Variants in COL5A1 observed in about 807,000 individuals in gnomAD.
The protein encoded by COL5A1 is collagen type V alpha 1 chain.
COL5A1 carries 16 observed loss-of-function variants against 263.7 expected under a neutral mutation model. The ratio of observed to expected loss-of-function variants is 0.06; its 90% CI spans 0.04 to 0.09. The LOEUF (loss-of-function observed/expected upper bound fraction) is 0.09. COL5A1 is among the 10% of genes least tolerant of loss of function. COL5A1 has a pLI of 1.00. For synonymous variants in COL5A1, 1,012 were observed against 1,004.5 expected (o/e 1.01, Z -0.14); for missense variants, 2,036 against 2,540.5 (o/e 0.80, Z 4.27).
intron 24 of COL5A1, among the ~76,000 whole-genome samples, chr9:134,767,798 T>C (rs1408627822): frequency 1.3e-5 from 2 of 152,230 alleles, no homozygotes; most frequent in Non-Finnish European, 2.9e-5. Context: ...CTTGCCCTTC[T>C]AGAGCTTGTC....
At chr9:134,709,520 G>T (rs890729109) in intron 4 of COL5A1, among the ~76,000 whole-genome samples, 1 of 152,216 alleles carries the variant, frequency 6.6e-6, no homozygotes, top group African/African-American at 2.4e-5. Context: ...TCCTGCTGCA[G>T]GTGGCTGGTG....
chr9:134,823,875 ATG>A (rs765027569), intron 61 of COL5A1, among the ~76,000 whole-genome samples: 1 of 151,666 alleles, frequency 6.6e-6, no homozygotes, highest in African/African-American at 2.4e-5. Context: ...TGTGTGCATG[ATG>A]TGTGTATGGG....
At chr9:134,763,624 CACT>C (rs1181268473) in intron 19 of COL5A1, 66 bp from the exon 20 acceptor site, 1 of 1,496,480 alleles carries the variant, frequency 6.7e-7, no homozygotes, top group Non-Finnish European at 9.3e-7. Flanking sequence ...CCTTGTGCAC[CACT>C]GAGGGGAAGC....
In COL5A1 at chr9:134,811,380, G is replaced by T. The variant is rs1838517492; in HGVS notation, c.3570G>T (p.Gln1190His). 6.2e-7 allele frequency: 1 copy of T among 1,613,502 alleles called. No homozygotes were observed. Among genetic ancestry groups the T allele is most frequent in the Non-Finnish European group, 8.5e-7 (1 of 1,179,812 alleles). The change falls in exon 45 of 66, where the codon CAG becomes CAT. Residue 1190 changes from glutamine (Q) to histidine (H), a missense_variant. Around this residue, in one of 3 missense-constraint regions of COL5A1, gnomAD observed 1,078 missense variants for 1,521.4 expected, o/e 0.71. Coordinates refer to ENST00000371817, the MANE Select transcript of COL5A1 (RefSeq NM_000093.5). ...CAGGTCCTCAAGGCCCCATCGGACAGCCAGGCCCCTCTGTGAGTATCCATG... is the reference window on the plus strand; with the variant it reads ...CAGGTCCTCAAGGCCCCATCGGACATCCAGGCCCCTCTGTGAGTATCCATG... The part of the protein sequence containing the change: ...GPTGPQGPIG[Q>H]PGPSGADGEP...
chr9:134,817,352 T>C (rs1838795637), intron 53 of COL5A1, among the ~76,000 whole-genome samples: 1 of 152,202 alleles, frequency 6.6e-6, no homozygotes, highest in Non-Finnish European at 1.5e-5. Context: ...GCTGCAAAGG[T>C]CCTTTTCCCC....
chr9:134,746,164 A>T (rs1835505415), intron 11 of COL5A1, among the ~76,000 whole-genome samples: 1 of 152,050 alleles, frequency 6.6e-6, no homozygotes, highest in Admixed American at 6.5e-5. Flanking sequence ...CAGCCAGGAG[A>T]TGTCCAGCAG....
In COL5A1 at chr9:134,815,636, G is replaced by A. The variant is rs587780905; in HGVS notation, c.4068+7G>A. 8.8e-5 allele frequency: 142 copies of A among 1,613,206 alleles called. No individual in the cohort carries two copies. Among genetic ancestry groups the A allele is most frequent in the Non-Finnish European group, 1.1e-4 (135 of 1,179,850 alleles). On this transcript the variant is annotated splice_region_variant and intron_variant, in intron 51 of 65. Coordinates refer to ENST00000371817, the MANE Select transcript of COL5A1 (RefSeq NM_000093.5). ...CGGAGAGCCTGGCCCCGCGGTAGGT[G>A]CTCAAGAGGGCAAAGCCACCGGATC...
chr9:134,712,620 C>T (rs1480238069), intron 4 of COL5A1, among the ~76,000 whole-genome samples: 1 of 41,504 alleles, frequency 2.4e-5, no homozygotes, highest in African/African-American at 7.7e-5. Flanking sequence ...CTCCCCTCCC[C>T]CTTCCTTCCT....
chr9:134,768,473 C>A lies in COL5A1; in HGVS notation c.2286+10C>A, dbSNP rs1365884857. ...TGCTGACGGACCCCCGGTGAGTAGC[C>A]CTGCCCACCTCATCCCTCCATACTC... On this transcript the variant is annotated intron_variant, in intron 25 of 65. Coordinates refer to ENST00000371817, the MANE Select transcript of COL5A1 (RefSeq NM_000093.5). 1 of 1,613,518 alleles carries A rather than the reference C, an allele frequency of 6.2e-7. No individual in the cohort carries two copies. Among genetic ancestry groups the A allele is most frequent in the Non-Finnish European group, 8.5e-7 (1 of 1,179,594 alleles).
At chr9:134,710,071 G>A (rs1011050780) in intron 4 of COL5A1, among the ~76,000 whole-genome samples, 4 of 152,220 alleles carry the variant, frequency 2.6e-5, no homozygotes, top group African/African-American at 4.8e-5. Context: ...TGAGGGAGCC[G>A]CAGTCAAGCC....
chr9:134,808,138 T>C (rs1183474622), intron 42 of COL5A1, among the ~76,000 whole-genome samples: 1 of 152,168 alleles, frequency 6.6e-6, no homozygotes, highest in East Asian at 1.9e-4. Context: ...ACATGAATTG[T>C]GGAGGGAGGA....
intron 61 of COL5A1, 141 bp from the exon 62 acceptor site, chr9:134,824,459 G>A (rs1588597455): frequency 9.9e-7 from 1 of 1,013,788 alleles, no homozygotes; most frequent in African/African-American, 1.6e-5. Flanking sequence ...CAGTTCTAAG[G>A]CGGACAGATG....
chr9:134,721,737 G>A (rs1374827132), intron 4 of COL5A1, among the ~76,000 whole-genome samples: 1 of 152,246 alleles, frequency 6.6e-6, no homozygotes, highest in East Asian at 1.9e-4. Context: ...CAGCCATGGG[G>A]CTGGCCCGTG....
At chr9:134,688,524 C>T (rs1260173958) in intron 1 of COL5A1, among the ~76,000 whole-genome samples, 1 of 152,220 alleles carries the variant, frequency 6.6e-6, no homozygotes, top group Non-Finnish European at 1.5e-5. Flanking sequence ...CAAAAGCCCA[C>T]CAAAGCCTTC....
intron 65 of COL5A1, among the ~76,000 whole-genome samples, chr9:134,838,192 G>A (rs1417834294): frequency 6.6e-6 from 1 of 152,208 alleles, no homozygotes; most frequent in Non-Finnish European, 1.5e-5. Flanking sequence ...CTCTCTGATG[G>A]TGGACAGCAG....
rs1832895390 is a variant in COL5A1 at position 134,682,621 on chromosome 9, C to T, written c.110-8291C>T. The stretch of plus-strand genomic sequence containing the variant: ...CCGGAGGTCAGGCAGGTGGGCGAGT[C>T]AGAACTGAGGGGCACTCCTTGACTG... On this transcript the variant is annotated intron_variant, in intron 1 of 65. Transcript: ENST00000371817. This position sits in a 1 kb window ranked among gnomAD's most constrained non-coding sequence, Gnocchi z 5.1. Among the ~76,000 whole-genome samples, 1 of 152,226 alleles carries T rather than the reference C, an allele frequency of 6.6e-6. No homozygotes were observed. Among genetic ancestry groups the T allele is most frequent in the Admixed American group, 6.5e-5 (1 of 15,290 alleles).
Position 134,842,135 on chromosome 9 carries a change from C to T in COL5A1, c.5371-22C>T, listed in dbSNP as rs1334270260. ...CCCCCAACTGTTCTTAACCACCGGC[C>T]ATCTGTCTCCCTCTTCCCCAGACCA... On this transcript the variant is annotated intron_variant, in intron 65 of 65. Coordinates refer to ENST00000371817, the MANE Select transcript of COL5A1 (RefSeq NM_000093.5). The surrounding 1 kb of genome is among the most constrained non-coding windows in gnomAD (Gnocchi z 5.8). 6.2e-7 allele frequency: 1 copy of T among 1,614,062 alleles called. No individual in the cohort carries two copies. Among genetic ancestry groups the T allele is most frequent in the South Asian group, 1.1e-5 (1 of 91,078 alleles).
chr9:134,831,731 AAGC>A (rs1390289819), intron 64 of COL5A1, among the ~76,000 whole-genome samples: 1 of 152,214 alleles, frequency 6.6e-6, no homozygotes, highest in Non-Finnish European at 1.5e-5. Context: ...AAAATGGGAA[AAGC>A]AGAAAGAGCC....
At chr9:134,836,827 C>G (rs1011413497) in intron 65 of COL5A1, among the ~76,000 whole-genome samples, 1 of 152,232 alleles carries the variant, frequency 6.6e-6, no homozygotes, top group Non-Finnish European at 1.5e-5. Context: ...CAGCGGGGGC[C>G]GCCCTCACCA....
Sources: allele counts gnomAD v4.1 joint callset (sites outside exome capture counted in the v4.1 genomes callset), GRCh38; gene constraint gnomAD v4.1.1; regional missense constraint gnomAD v4.1.1; non-coding constraint Gnocchi (gnomAD v3.1); transcripts MANE v1.5; gene names NCBI Gene and HGNC (gene_info 2026-07-23, HGNC 2026-07-21).